ZNF385D: variants seen among roughly 807,000 people sequenced by gnomAD.
ZNF385D encodes the protein zinc finger protein 385D, also known as zinc finger protein 659.
In ZNF385D, 15 loss-of-function variants were observed where a neutral mutation model predicts 35.8. The ratio of observed to expected loss-of-function variants is 0.42; its 90% confidence interval spans 0.28 to 0.64. ZNF385D has a LOEUF of 0.64. Among genes scored for constraint, ZNF385D ranks in the 30% least tolerant of loss-of-function variants. The probability of loss-of-function intolerance (pLI) is 0.23; values close to 1 mark genes in which losing one functional copy is unlikely to be tolerated. For synonymous variants in ZNF385D, 212 were observed against 186.8 expected (o/e 1.13, Z -1.10); for missense variants, 474 against 494.6 (o/e 0.96, Z 0.39).
intron 3 of ZNF385D, among the ~76,000 whole-genome samples, chr3:22,162,992 G>A (rs753400044): frequency 6.6e-6 from 1 of 152,140 alleles, no homozygotes; most frequent in Admixed American, 6.6e-5. Flanking sequence ...AGTGAGGTTA[G>A]CCTGTGATAG....
In ZNF385D at chr3:21,435,721, A is replaced by C. The variant is rs563657732; in HGVS notation, c.673+1249T>G. On this transcript the variant is annotated intron_variant, in intron 5 of 7. Transcript: ENST00000281523. Reference sequence around the variant, plus strand: ...ACCAATGATGTTTATACTTTCCCAAATATCTTGCGTTCAAGAAGAAATGTA... The same window carrying C: ...ACCAATGATGTTTATACTTTCCCAACTATCTTGCGTTCAAGAAGAAATGTA... 1.2e-4 allele frequency among the ~76,000 whole-genome samples: 18 copies of C among 152,326 alleles called. No individual in the cohort carries two copies. The South Asian group carries it at 2.9e-3, about 25-fold the overall frequency.
At chr3:22,339,262 T>C (rs910475938) in intron 2 of ZNF385D, among the ~76,000 whole-genome samples, 1 of 152,092 alleles carries the variant, frequency 6.6e-6, no homozygotes, top group African/African-American at 2.4e-5. Context: ...ATGAAAGAAA[T>C]TGAAGTTGCC....
intron 2 of ZNF385D, among the ~76,000 whole-genome samples, chr3:21,568,044 T>C (rs1483658449): frequency 1.3e-5 from 2 of 151,632 alleles, no homozygotes; most frequent in Admixed American, 6.6e-5. Context: ...CAATTTTATT[T>C]CCCAGAATAG....
chr3:21,721,843 T>C (rs2068554207), intron 1 of ZNF385D, among the ~76,000 whole-genome samples: 1 of 152,158 alleles, frequency 6.6e-6, no homozygotes, highest in Admixed American at 6.5e-5. Flanking sequence ...CTCACGCCTG[T>C]ATTCCCAGCA....
intron 3 of ZNF385D, among the ~76,000 whole-genome samples, chr3:21,948,856 A>T (rs959213553): frequency 2.0e-5 from 3 of 152,146 alleles, no homozygotes; most frequent in Admixed American, 2.0e-4. Flanking sequence ...TCTTTGATCT[A>T]AAAATCTTGT....
At chr3:21,843,499 C>A (rs538614754) in intron 3 of ZNF385D, among the ~76,000 whole-genome samples, 8 of 151,960 alleles carry the variant, frequency 5.3e-5, no homozygotes, top group African/African-American at 1.7e-4. Context: ...AGCCCAAGCA[C>A]GTGAGAGGTA....
rs544923627 is a variant in ZNF385D, at chr3:21,666,667, G to A, written c.23-1639C>T. Among the ~76,000 whole-genome samples the A allele has an allele frequency of 2.1e-4, 32 of 152,214 alleles. No individual in the cohort carries two copies. In the South Asian group the frequency reaches 6.2e-3, roughly 30 times the overall value. ...GTGAGTGTGTAACCATTTTTAGAGA[G>A]GGCATCCATAAAACTTTAGTGATAG... On this transcript the variant is annotated intron_variant, in intron 1 of 7. Coordinates refer to ENST00000281523, the MANE Select transcript of ZNF385D (RefSeq NM_024697.3).
chr3:21,981,881 G>A (rs535714321), intron 3 of ZNF385D, among the ~76,000 whole-genome samples: 3 of 152,102 alleles, frequency 2.0e-5, no homozygotes, highest in Non-Finnish European at 4.4e-5. Context: ...ATAGATATGT[G>A]GCCTTATTTC....
At chr3:22,138,035 G>C (rs867011751) in intron 3 of ZNF385D, among the ~76,000 whole-genome samples, 9 of 151,800 alleles carry the variant, frequency 5.9e-5, no homozygotes, top group South Asian at 2.1e-4. Context: ...AACAGACAGA[G>C]AGCCAAATCA....
intron 3 of ZNF385D, among the ~76,000 whole-genome samples, chr3:21,828,096 T>G (rs73144839): frequency 0.03 from 4,609 of 152,292 alleles, 205 homozygotes; most frequent in East Asian, 0.11. Context: ...TCTGTAAGCA[T>G]AAATATAAAC....
chr3:21,689,300 A>G (rs2067207663), intron 1 of ZNF385D, among the ~76,000 whole-genome samples: 1 of 152,154 alleles, frequency 6.6e-6, no homozygotes, highest in Non-Finnish European at 1.5e-5. Context: ...TTAATGGACC[A>G]CTAATACTCA....
At chr3:21,976,766 G>A (rs1703649984) in intron 3 of ZNF385D, among the ~76,000 whole-genome samples, 1 of 152,328 alleles carries the variant, frequency 6.6e-6, no homozygotes. Flanking sequence ...GCCAAGGCAT[G>A]CAGATCATGA....
At chr3:22,035,169 T>C (rs942387722) in intron 3 of ZNF385D, among the ~76,000 whole-genome samples, 40 of 152,200 alleles carry the variant, frequency 2.6e-4, no homozygotes, top group African/African-American at 8.9e-4. Flanking sequence ...GTTAAATCAC[T>C]TGTATCATTT....
chr3:21,828,070 C>A (rs1305480425), intron 3 of ZNF385D, among the ~76,000 whole-genome samples: 1 of 152,142 alleles, frequency 6.6e-6, no homozygotes, highest in Non-Finnish European at 1.5e-5. Context: ...ACAACTAAAT[C>A]TATGGGAATA....
rs182522695 is a variant in ZNF385D at position 22,113,831 on chromosome 3, T to G, written c.325+54986A>C. Among the ~76,000 whole-genome samples, 213 of 152,224 alleles carry G rather than the reference T, an allele frequency of 1.4e-3. 2 individuals are homozygous for G. The highest frequency in any genetic ancestry group is 0.012 in the Admixed American group (184 of 15,268). ...AGACAATTTGGTGCTTTTTCAAGAT[T>G]GAATACATCAATAGAGATCATTCCT... On this transcript the variant is annotated intron_variant, in intron 3 of 5. Transcript: ENST00000494108.
intron 4 of ZNF385D, among the ~76,000 whole-genome samples, chr3:21,440,142 T>C (rs1701782943): frequency 1.3e-5 from 2 of 152,214 alleles, no homozygotes; most frequent in African/African-American, 2.4e-5. Flanking sequence ...TTATGACTTA[T>C]TCAAAGAAAG....
chr3:22,046,695 GAA>G (rs1274953562), intron 3 of ZNF385D, among the ~76,000 whole-genome samples: 4 of 152,184 alleles, frequency 2.6e-5, no homozygotes, highest in Admixed American at 2.0e-4. Flanking sequence ...ATTCGCTCAA[GAA>G]AAGTTAGATT....
At chr3:21,631,612 A>G (rs1222655397) in intron 2 of ZNF385D, among the ~76,000 whole-genome samples, 3 of 152,158 alleles carry the variant, frequency 2.0e-5, no homozygotes, top group Non-Finnish European at 4.4e-5. Flanking sequence ...ACATTTTTCA[A>G]ATACCCACGG....
intron 3 of ZNF385D, among the ~76,000 whole-genome samples, chr3:22,070,688 A>T (rs1289016211): frequency 6.6e-6 from 1 of 152,178 alleles, no homozygotes; most frequent in Non-Finnish European, 1.5e-5. Context: ...GAAGAAAAAA[A>T]CAAAGTTTCA....
Sources: allele counts gnomAD v4.1 joint callset (sites outside exome capture counted in the v4.1 genomes callset), GRCh38; gene constraint gnomAD v4.1.1; transcripts MANE v1.5; gene names NCBI Gene and HGNC (gene_info 2026-07-23, HGNC 2026-07-21).